The following RP1L1 variants were observed in gnomAD, a reference collection of about 807,000 sequenced individuals.
RP1L1 encodes retinitis pigmentosa 1-like 1 protein.
Under a neutral mutation model 15.7 loss-of-function variants are expected in RP1L1, and 27 were observed. That is an observed-to-expected ratio of 1.72 (90% CI 1.27 to 2.38). The LOEUF is 2.38. Ranked by LOEUF, RP1L1 falls within the 30% of genes most tolerant of loss-of-function variation. The probability of loss-of-function intolerance (pLI) is 0.00; values close to 1 mark genes in which losing one functional copy is unlikely to be tolerated. For synonymous variants in RP1L1, 1,813 were observed against 1,276.7 expected (o/e 1.42, Z -8.96); for missense variants, 4,798 against 3,075.9 (o/e 1.56, Z -13.24).
In RP1L1 at chr8:10,606,931, C is replaced by T; in HGVS notation, c.7167G>A (p.Arg2389=). The T allele has an allele frequency of 6.2e-7, 1 of 1,614,230 alleles. No individual in the cohort carries two copies. Among genetic ancestry groups the T allele is most frequent in the Non-Finnish European group, 8.5e-7 (1 of 1,180,046 alleles). ...GSLAPTEAVG[R]ADGFGQDDLD... Reference sequence around the variant, plus strand: ...AGTCATCTTGGCCAAAGCCGTCTGCCCTGCCCACTGCCTCAGTGGGGGCGA... The same window carrying T: ...AGTCATCTTGGCCAAAGCCGTCTGCTCTGCCCACTGCCTCAGTGGGGGCGA... The change falls in exon 4 of 4, where the codon AGG becomes AGA. Residue 2389 remains arginine (R), a synonymous_variant. Coordinates refer to ENST00000382483, the MANE Select transcript of RP1L1 (RefSeq NM_178857.6).
At chr8:10,638,285 G>A (rs1236590132) in intron 1 of RP1L1, among the ~76,000 whole-genome samples, 10 of 152,168 alleles carry the variant, frequency 6.6e-5, no homozygotes, top group African/African-American at 2.2e-4. Flanking sequence ...AGGTCTGGTC[G>A]AGTAAAAGAG....
rs1041597338 is a variant in RP1L1 at position 10,606,635 on chromosome 8, C to T, written c.*260G>A. 2 of 542,060 alleles carry T rather than the reference C, an allele frequency of 3.7e-6. No homozygotes were observed. The highest frequency in any genetic ancestry group is 6.9e-5 in the Admixed American group (2 of 28,980). The allele number at this position is 542,060 out of a possible 1,614,324, so 33.6% of individuals were successfully genotyped here. A position where few individuals can be genotyped will look rare whatever the true frequency, so the allele number is the denominator to read the frequency against. ...TGCAGACAAATAAATAGGAGCCGGG[C>T]TGACCTCCGATAACCGGGCAGATCC... is the stretch of plus-strand genomic sequence containing the variant. On this transcript the variant is annotated 3_prime_UTR_variant, in exon 4 of 4. Transcript: ENST00000382483.
Position 10,611,747 on chromosome 8 carries a change from C to A in RP1L1, c.2351G>T (p.Cys784Phe), listed in dbSNP as rs1797860985. The change falls in exon 4 of 4, where the codon TGC becomes TTC. Residue 784 changes from cysteine to phenylalanine, a missense_variant. Cys to Phe is a radical substitution (Grantham distance 205). Coordinates refer to ENST00000382483, the MANE Select transcript of RP1L1 (RefSeq NM_178857.6). The part of the protein sequence containing the change: ...APIPPHTSDS[C>F]SKSGAASLGE... ...CAGGCTGGCAGCCCCAGATTTTGAG[C>A]AGGAGTCGGATGTGTGGGGAGGTAT... 1.9e-6 allele frequency: 3 copies of A among 1,613,598 alleles called. No homozygotes were observed. In the East Asian group the frequency reaches 6.7e-5, roughly 36 times the overall value.
chr8:10,612,892 C>T lies in RP1L1; in HGVS notation c.1206G>A (p.Gly402=). 2 of 1,612,800 alleles carry T rather than the reference C, an allele frequency of 1.2e-6. No homozygotes were observed. Among genetic ancestry groups the T allele is most frequent in the East Asian group, 2.2e-5 (1 of 44,836 alleles). The part of the protein sequence containing the change: ...REVFGRGGQP[G]PKYEIWTNPL... The stretch of plus-strand genomic sequence containing the variant: ...GATTCGTCCAGATTTCATACTTGGG[C>T]CCTGGCTGCCCGCCTCGGCCAAAGA... The change falls in exon 4 of 4, where the codon GGG becomes GGA. Residue 402 remains glycine, a synonymous_variant. Transcript: ENST00000382483.
At chr8:10,631,334 T>G (rs201767546) in intron 1 of RP1L1, among the ~76,000 whole-genome samples, 2 of 13,390 alleles carry the variant, frequency 1.5e-4, no homozygotes, top group African/African-American at 2.6e-4. Context: ...CACACACACA[T>G]GCACACACAC....
chr8:10,608,923 T>A lies in RP1L1; in HGVS notation c.5175A>T (p.Gly1725=), dbSNP rs775399813. 3 of 1,613,942 alleles carry A rather than the reference T, an allele frequency of 1.9e-6. No individual in the cohort carries two copies. The highest frequency in any genetic ancestry group is 2.5e-6 in the Non-Finnish European group (3 of 1,179,996). The change falls in exon 4 of 4, where the codon GGA becomes GGT. Residue 1725 remains glycine, a synonymous_variant. Coordinates refer to ENST00000382483, the MANE Select transcript of RP1L1 (RefSeq NM_178857.6). The part of the protein sequence containing the change: ...TDPTSTRTVQ[G]AEGGLGPGLS... Reference sequence around the variant, plus strand: ...GCCCCGGCCCCAGCCCTCCCTCAGCTCCCTGGACAGTCCTAGTGCTCGTGG... The same window carrying A: ...GCCCCGGCCCCAGCCCTCCCTCAGCACCCTGGACAGTCCTAGTGCTCGTGG...
At chr8:10,639,000 C>G (rs1395098996) in intron 1 of RP1L1, among the ~76,000 whole-genome samples, 2 of 152,090 alleles carry the variant, frequency 1.3e-5, no homozygotes, top group African/African-American at 4.8e-5. Flanking sequence ...AAAAAATTAG[C>G]TGGGCGTGGT....
intron 1 of RP1L1, among the ~76,000 whole-genome samples, chr8:10,624,021 C>A (rs10090876): frequency 0.31 from 46,968 of 152,064 alleles, 7,789 homozygotes; most frequent in Middle Eastern, 0.42. Context: ...ACCTCCATAT[C>A]CCTGCATCAC....
chr8:10,649,763 G>T (rs1798531547), intron 1 of RP1L1, among the ~76,000 whole-genome samples: 1 of 152,160 alleles, frequency 6.6e-6, no homozygotes, highest in South Asian at 2.1e-4. Flanking sequence ...GCCCCTTTCT[G>T]GCTGTGCTTC....
Position 10,612,941 on chromosome 8 carries a change from G to A in RP1L1, c.1157C>T (p.Pro386Leu), listed in dbSNP as rs1177682071. 1 of 1,613,040 alleles carries A rather than the reference G, an allele frequency of 6.2e-7. No individual in the cohort carries two copies. The highest frequency in any genetic ancestry group is 8.5e-7 in the Non-Finnish European group (1 of 1,179,920). Reference protein sequence around the residue: ...FSEPGVWGPRPCRVGCREVFG... With the variant: ...FSEPGVWGPRLCRVGCREVFG... ...GACTTCCCTGCATCCCACCCTGCAG[G>A]GCCGGGGTCCCCACACCCCAGGCTC... Residue 386 changes from proline to leucine, a missense_variant, in exon 4 of 4, where the codon CCC (proline) becomes CTC (leucine). Pro to Leu is a moderately conservative substitution (Grantham distance 98). Coordinates refer to ENST00000382483, the MANE Select transcript of RP1L1 (RefSeq NM_178857.6).
In RP1L1 at chr8:10,631,204, C is replaced by A. The variant is rs573825181; in HGVS notation, c.-19-7984G>T. Among the ~76,000 whole-genome samples, 237 of 60,872 alleles carry A rather than the reference C, an allele frequency of 3.9e-3. 2 individuals carry two copies. Among genetic ancestry groups the A allele is most frequent in the African/African-American group, 0.012 (177 of 14,256 alleles). 39.9% of individuals were successfully genotyped at this position (60,872 alleles called of 152,430 possible). A position where few individuals can be genotyped will look rare whatever the true frequency, so the allele number is the denominator to read the frequency against. ...GTCATGGCAACAGCACCTGCAAAAA[C>A]ACACACACACACACACACAAACGCA... On this transcript the variant is annotated intron_variant, in intron 1 of 3. Coordinates refer to ENST00000382483, the MANE Select transcript of RP1L1 (RefSeq NM_178857.6).
rs771549717 is a variant in RP1L1, at chr8:10,608,067, C to G, written c.6031G>C (p.Glu2011Gln). The G allele has an allele frequency of 1.9e-6, 3 of 1,603,244 alleles. No homozygotes were observed. Among genetic ancestry groups the G allele is most frequent in the Non-Finnish European group, 2.6e-6 (3 of 1,175,354 alleles). The change falls in exon 4 of 4, where the codon GAG becomes CAG. Residue 2011 changes from glutamate (E) to glutamine (Q), a missense_variant. Glu to Gln is a conservative substitution (Grantham distance 29). Transcript: ENST00000382483. ...TCTGGCTGGGCCTCCTCTTCTGCCT[C>G]TTGCATCTCCCCTTCAGCCTCTGGG... The part of the protein sequence containing the change: ...EAPEAEGEMQ[E>Q]AEEEAQPESD...
chr8:10,651,506 A>T (rs1798560798), intron 1 of RP1L1, among the ~76,000 whole-genome samples: 1 of 152,154 alleles, frequency 6.6e-6, no homozygotes, highest in Non-Finnish European at 1.5e-5. Flanking sequence ...AGGTGGGCAG[A>T]TCACGGGTTC....
rs980978571 is a variant in RP1L1, at chr8:10,655,037, C to T, written c.-159G>A. 2 of 152,738 alleles carry T rather than the reference C, an allele frequency of 1.3e-5. No individual in the cohort carries two copies. Among genetic ancestry groups the T allele is most frequent in the Non-Finnish European group, 2.9e-5 (2 of 68,096 alleles). 9.5% of individuals were successfully genotyped at this position (152,738 alleles called of 1,614,324 possible). On this transcript the variant is annotated 5_prime_UTR_variant, in exon 1 of 4. Coordinates refer to ENST00000382483, the MANE Select transcript of RP1L1 (RefSeq NM_178857.6). ...CCTCTGGGCAGCAGGGCTGGCCACCCTCCTCCGGACAGTCCTCGGGGCCAC... is the reference window on the plus strand; with the variant it reads ...CCTCTGGGCAGCAGGGCTGGCCACCTTCCTCCGGACAGTCCTCGGGGCCAC...
chr8:10,639,900 G>C (rs1352207487), intron 1 of RP1L1, among the ~76,000 whole-genome samples: 1 of 152,104 alleles, frequency 6.6e-6, no homozygotes, highest in Non-Finnish European at 1.5e-5. Flanking sequence ...CCTTTTTTCA[G>C]GGGATGGTGT....
chr8:10,612,165 C>A lies in RP1L1; in HGVS notation c.1933G>T (p.Ala645Ser), dbSNP rs369958341. ...CTGCTGGGTGAGGACATTGCACTGG[C>A]CCGGCTTCTGTGCCTTCTCTGCCCC... ...QQGQRRHRSR[A>S]SAMSSPSSPG... Residue 645 changes from alanine to serine, a missense_variant, in exon 4 of 4, where the codon GCC (alanine) becomes TCC (serine). Physicochemically the swap from Ala to Ser is moderately conservative, Grantham distance 99 (BLOSUM62 1). Coordinates refer to ENST00000382483, the MANE Select transcript of RP1L1 (RefSeq NM_178857.6). 4.8e-5 allele frequency: 78 copies of A among 1,613,436 alleles called. 1 individual carries two copies. The African/African-American group carries it at 7.3e-4, about 15-fold the overall frequency.
chr8:10,652,359 A>G (rs1342511675), intron 1 of RP1L1, among the ~76,000 whole-genome samples: 1 of 152,158 alleles, frequency 6.6e-6, no homozygotes, highest in African/African-American at 2.4e-5. Flanking sequence ...ATCCATCCAG[A>G]AGGGTTGGGG....
intron 1 of RP1L1, among the ~76,000 whole-genome samples, chr8:10,627,475 T>A (rs920933903): frequency 1.3e-5 from 2 of 152,022 alleles, no homozygotes; most frequent in South Asian, 4.2e-4. Flanking sequence ...ACATCAGGGC[T>A]GGGAGGAGGT....
chr8:10,620,232 T>C (rs1009895654), intron 2 of RP1L1, among the ~76,000 whole-genome samples: 3 of 152,170 alleles, frequency 2.0e-5, no homozygotes, highest in African/African-American at 7.2e-5. Context: ...AAATTAGTTC[T>C]TTGGATAGAA....
Sources: gnomAD v4.1 joint callset for allele counts (sites outside exome capture counted in the v4.1 genomes callset) on GRCh38, gnomAD v4.1.1 for gene constraint, MANE v1.5 for transcripts, NCBI Gene and HGNC (gene_info 2026-07-23, HGNC 2026-07-21) for gene names.